The following MYO16 variants were observed in gnomAD, a reference collection of about 807,000 sequenced individuals.
The protein encoded by MYO16 is myosin XVI, also known as unconventional myosin-XVI.
Under a neutral mutation model 205.3 loss-of-function variants are expected in MYO16, and 94 were observed. The ratio of observed to expected loss-of-function variants is 0.46; its 90% CI spans 0.39 to 0.54. The LOEUF is 0.54. MYO16 is among the 20% of genes least tolerant of loss of function. MYO16 has a pLI of 0.00. For synonymous variants in MYO16, 988 were observed against 954.0 expected (o/e 1.04, Z -0.66); for missense variants, 2,315 against 2,387.5 (o/e 0.97, Z 0.63).
chr13:108,502,467 T>A, the MYO16 span, among the ~76,000 whole-genome samples: 1 of 152,196 alleles, frequency 6.6e-6, no homozygotes, highest in East Asian at 1.9e-4. Flanking sequence ...AACAGTGAGT[T>A]TGATGTTCAA....
chr13:108,668,472 AGTATT>A (rs1881838154), intron 2 of MYO16, among the ~76,000 whole-genome samples: 1 of 152,208 alleles, frequency 6.6e-6, no homozygotes, highest in Non-Finnish European at 1.5e-5. Flanking sequence ...AAACAGCGTA[AGTATT>A]ACCTTACAGT....
At chr13:108,669,038 A>C (rs1420723893) in intron 2 of MYO16, among the ~76,000 whole-genome samples, 1 of 152,062 alleles carries the variant, frequency 6.6e-6, no homozygotes, top group Non-Finnish European at 1.5e-5. Flanking sequence ...ACGTAAATTG[A>C]AAACTCATGA....
At chr13:108,877,812 A>C (rs1405903743) in intron 12 of MYO16, among the ~76,000 whole-genome samples, 1 of 152,180 alleles carries the variant, frequency 6.6e-6, no homozygotes, top group African/African-American at 2.4e-5. Context: ...ATGGTTGACC[A>C]GTGCTTGTTA....
intron 4 of MYO16, among the ~76,000 whole-genome samples, chr13:108,744,272 G>A (rs1445921464): frequency 8.8e-6 from 1 of 114,240 alleles, no homozygotes; most frequent in East Asian, 2.1e-4. Context: ...CATTCTTAAA[G>A]AGGTGTTTAT....
chr13:108,635,254 G>A (rs761071441), intron 1 of MYO16, among the ~76,000 whole-genome samples: 49 of 152,198 alleles, frequency 3.2e-4, no homozygotes, highest in Middle Eastern at 3.4e-3. Context: ...CAGCCAACCC[G>A]GAAACGTGCC....
At chr13:109,106,427 A>G (rs996220192) in intron 28 of MYO16, among the ~76,000 whole-genome samples, 2 of 152,244 alleles carry the variant, frequency 1.3e-5, no homozygotes, top group African/African-American at 4.8e-5. Context: ...TCCAAGCCAC[A>G]GAAGAGTGAC....
At chr13:109,088,720 C>T (rs959932444) in intron 27 of MYO16, among the ~76,000 whole-genome samples, 2 of 152,232 alleles carry the variant, frequency 1.3e-5, no homozygotes, top group Non-Finnish European at 2.9e-5. Flanking sequence ...CCTTCATGCT[C>T]GGCACCGCCA....
chr13:108,685,530 G>C (rs1005448144), intron 2 of MYO16, among the ~76,000 whole-genome samples: 1 of 152,180 alleles, frequency 6.6e-6, no homozygotes, highest in African/African-American at 2.4e-5. Flanking sequence ...TGTTTGTGTT[G>C]AGTGTTTCAG....
intron 27 of MYO16, among the ~76,000 whole-genome samples, chr13:109,066,904 C>G (rs909120481): frequency 1.3e-5 from 2 of 152,126 alleles, no homozygotes; most frequent in African/African-American, 4.8e-5. Flanking sequence ...TGAAAGGCAA[C>G]TTGGCTGTTT....
At chr13:108,520,729 A>T in the MYO16 span, among the ~76,000 whole-genome samples, 1 of 152,380 alleles carries the variant, frequency 6.6e-6, no homozygotes, top group South Asian at 2.1e-4. Flanking sequence ...ACAATTTAAA[A>T]GCATAGAAGA....
intron 1 of MYO16, among the ~76,000 whole-genome samples, chr13:108,654,610 G>A (rs1881159207): frequency 6.6e-6 from 1 of 152,192 alleles, no homozygotes; most frequent in Admixed American, 6.5e-5. Flanking sequence ...AGTAACTTTG[G>A]AACTGCATAA....
chr13:109,014,253 A>G (rs1477895784), intron 22 of MYO16, among the ~76,000 whole-genome samples: 3 of 151,716 alleles, frequency 2.0e-5, no homozygotes, highest in African/African-American at 4.9e-5. Flanking sequence ...TTTTTGCCAC[A>G]TTTGTCAAAG....
intron 28 of MYO16, among the ~76,000 whole-genome samples, chr13:109,113,387 G>T (rs574641128): frequency 6.6e-6 from 1 of 152,004 alleles, no homozygotes; most frequent in South Asian, 2.1e-4. Context: ...GACTAAAAGG[G>T]CCATACAATA....
At chr13:108,861,723 G>A (rs897556225) in intron 11 of MYO16, among the ~76,000 whole-genome samples, 1 of 152,110 alleles carries the variant, frequency 6.6e-6, no homozygotes, top group Non-Finnish European at 1.5e-5. Context: ...ATATTAATAT[G>A]TGTTTGTTGT....
At chr13:108,587,756 G>A in the MYO16 span, among the ~76,000 whole-genome samples, 13 of 152,066 alleles carry the variant, frequency 8.5e-5, no homozygotes, top group South Asian at 2.1e-4. Context: ...GGGAATGACC[G>A]CCCAAGCCAT....
intron 34 of MYO16, among the ~76,000 whole-genome samples, chr13:109,186,954 T>A (rs980627772): frequency 6.6e-6 from 1 of 152,172 alleles, no homozygotes; most frequent in Admixed American, 6.5e-5. Context: ...ACCAAATTAC[T>A]CCCCTAAAAG....
In MYO16 at chr13:108,670,692, C is replaced by T. The variant is rs143400683; in HGVS notation, c.292+4543C>T. 4.0e-3 allele frequency among the ~76,000 whole-genome samples: 616 copies of T among 152,288 alleles called. 11 individuals carry two copies. In the South Asian group the frequency reaches 0.062, roughly 15 times the overall value. On this transcript the variant is annotated intron_variant, in intron 2 of 34. Coordinates refer to ENST00000457511, the MANE Select transcript of MYO16 (RefSeq NM_001198950.3). ...TGATTCAAGAATTTCAGTAATGGTT[C>T]GGCATGGACTCACTGCTCCTTTGTC... is the stretch of plus-strand genomic sequence containing the variant.
chr13:108,574,708 T>TGTGTGCGC, the MYO16 span, among the ~76,000 whole-genome samples: 32 of 81,724 alleles, frequency 3.9e-4, 1 homozygote, highest in African/African-American at 1.1e-3. Context: ...TGTGTGTGTG[T>TGTGTGCGC]GCGCTTGTGT....
intron 1 of MYO16, among the ~76,000 whole-genome samples, chr13:108,649,327 C>G (rs1451718258): frequency 6.6e-6 from 1 of 152,174 alleles, no homozygotes; most frequent in Non-Finnish European, 1.5e-5. Flanking sequence ...TTGTCAGTGT[C>G]AGAGCCATTA....
Sources: gnomAD v4.1 joint callset for allele counts (sites outside exome capture counted in the v4.1 genomes callset) on GRCh38, gnomAD v4.1.1 for gene constraint, MANE v1.5 for transcripts, NCBI Gene and HGNC (gene_info 2026-07-23, HGNC 2026-07-21) for gene names.